WDR97: variants seen among roughly 807,000 people sequenced by gnomAD.
The protein encoded by WDR97 is WD repeat-containing protein 97.
A neutral mutation model predicts 65.4 loss-of-function variants in WDR97; 111 were observed. The observed-to-expected ratio is 1.70, with a 90% CI of 1.45 to 1.99. The LOEUF (loss-of-function observed/expected upper bound fraction) is 1.99. Among genes scored for constraint, WDR97 ranks in the 30% most tolerant of loss-of-function variants. The pLI, the probability that WDR97 is intolerant of heterozygous loss-of-function variation, is 0.00. For missense variants in WDR97, 1,674 were observed against 865.0 expected (o/e 1.94, Z -11.73); for synonymous variants, 802 against 397.7 (o/e 2.02, Z -12.10).
Position 144,111,940 on chromosome 8 carries a change from G to GGA in WDR97, c.2700_2701dup (p.Thr901ArgfsTer73), listed in dbSNP as rs1456239743. 2 of 702,388 alleles carry GGA rather than the reference G, an allele frequency of 2.8e-6. No homozygotes were observed. Among genetic ancestry groups the GGA allele is most frequent in the Admixed American group, 2.0e-5 (1 of 49,970 alleles). The allele number at this position is 702,388 out of a possible 1,614,324, so 43.5% of individuals were successfully genotyped here. On this transcript the variant is annotated frameshift_variant, in exon 13 of 24. Transcript: ENST00000323662. LOFTEE classifies it high-confidence loss of function. ...AGTGGAGTGCCGGGACCCTCAGAGT[G>GGA]GAGAGAGAGACCCGGGATGTGTGTG... is the stretch of plus-strand genomic sequence containing the variant.
rs1836453903 is a variant in WDR97 at position 144,108,086 on chromosome 8, T to A, written c.140T>A (p.Val47Asp). The change falls in exon 2 of 24, where the codon GTC becomes GAC. Residue 47 changes from valine to aspartate, a missense_variant. Coordinates refer to ENST00000323662, the MANE Select transcript of WDR97 (RefSeq NM_001316309.2). Reference sequence around the variant, plus strand: ...TTGACTTTCACGGAGCCGTCGCAGGTCCTGCCCTTTTTGACCAGCAGCCAA... The same window carrying A: ...TTGACTTTCACGGAGCCGTCGCAGGACCTGCCCTTTTTGACCAGCAGCCAA... The part of the protein sequence containing the change: ...NELTFTEPSQ[V>D]LPFLTSSQQW... 1.4e-6 allele frequency: 1 copy of A among 702,624 alleles called. No individual in the cohort carries two copies. The highest frequency in any genetic ancestry group is 2.6e-6 in the Non-Finnish European group (1 of 384,990). 43.5% of individuals were successfully genotyped at this position (702,624 alleles called of 1,614,324 possible). A position where few individuals can be genotyped will look rare whatever the true frequency, so the allele number is the denominator to read the frequency against.
intron 15 of WDR97, 57 bp downstream of exon 15, chr8:144,112,587 C>T: frequency 1.4e-6 from 1 of 699,454 alleles, no homozygotes; most frequent in East Asian, 2.7e-5. Context: ...CACTCTTGTG[C>T]CTGCCATCTC....
chr8:144,111,985 C>T lies in WDR97; in HGVS notation c.2736C>T (p.His912=). The T allele has an allele frequency of 1.4e-6, 1 of 702,648 alleles. No homozygotes were observed. Among genetic ancestry groups the T allele is most frequent in the South Asian group, 1.5e-5 (1 of 67,608 alleles). 43.5% of individuals were successfully genotyped at this position (702,648 alleles called of 1,614,324 possible). ...TGTGTGCTGTACCCCAAGCTGCCCA[C>T]TGTCTTGCCCGGGCTGAGGTCAGCA... ...RDVCAVPQAA[H]CLARAEVSTA... The change falls in exon 13 of 24, where the codon CAC becomes CAT. Residue 912 remains histidine (H), a synonymous_variant. Coordinates refer to ENST00000323662, the MANE Select transcript of WDR97 (RefSeq NM_001316309.2).
Position 144,116,562 on chromosome 8 carries a change from G to A in WDR97, c.*269G>A, listed in dbSNP as rs555860432. ...CTAGGGCAGAGGAGACCCATAGCGG[G>A]GTACCATCCGCTGGGCACTGAGCAA... On this transcript the variant is annotated 3_prime_UTR_variant, in exon 24 of 24. Coordinates refer to ENST00000323662, the MANE Select transcript of WDR97 (RefSeq NM_001316309.2). The A allele has an allele frequency of 7.4e-6, 3 of 407,704 alleles. No individual in the cohort carries two copies. The highest frequency in any genetic ancestry group is 1.3e-5 in the Non-Finnish European group (3 of 229,980). 25.3% of individuals were successfully genotyped at this position (407,704 alleles called of 1,614,324 possible).
rs374365725 is a variant in WDR97, at chr8:144,108,297, C to CGCCCACCCCGGCCCACCCCG, written c.250-3_250-2insCCCGGCCCACCCCGGCCCAC. On this transcript the variant is annotated intron_variant, in intron 2 of 23. Transcript: ENST00000323662. The stretch of plus-strand genomic sequence containing the variant: ...TAGCCCCAACCTTTGATTGCGGGCC[C>CGCCCACCCCGGCCCACCCCG]GCCCACCCCGGCCCACAGGAGAAGA... The CGCCCACCCCGGCCCACCCCG allele has an allele frequency of 1.0e-5, 7 of 691,808 alleles. No homozygotes were observed. Among genetic ancestry groups the CGCCCACCCCGGCCCACCCCG allele is most frequent in the South Asian group, 9.0e-5 (6 of 66,348 alleles). 42.9% of individuals were successfully genotyped at this position (691,808 alleles called of 1,614,324 possible). A position where few individuals can be genotyped will look rare whatever the true frequency, so the allele number is the denominator to read the frequency against.
At chr8:144,115,220 G>A in intron 21 of WDR97, 121 bp from the exon 22 acceptor site, 1 of 567,640 alleles carries the variant, frequency 1.8e-6, no homozygotes, top group Non-Finnish European at 3.1e-6. Context: ...CGAGGAGCCA[G>A]GGTGCTTGGC....
In WDR97 at chr8:144,109,368, C is replaced by T; in HGVS notation, c.1034C>T (p.Thr345Met). Reference protein sequence around the residue: ...PVTAMTVLPNTTLVLSASQDG... With the variant: ...PVTAMTVLPNMTLVLSASQDG... ...ACGGCTATGACTGTGCTCCCGAACA[C>T]GACCCTGGTGTTGTCGGCCTCGCAG... Residue 345 changes from threonine to methionine, a missense_variant, in exon 5 of 24, where the codon ACG becomes ATG. Physicochemically the swap from Thr to Met is moderately conservative, Grantham distance 81 (BLOSUM62 -1). Coordinates refer to ENST00000323662, the MANE Select transcript of WDR97 (RefSeq NM_001316309.2). The T allele has an allele frequency of 1.4e-6, 1 of 702,648 alleles. No homozygotes were observed. Among genetic ancestry groups the T allele is most frequent in the Non-Finnish European group, 2.6e-6 (1 of 384,860 alleles). The allele number at this position is 702,648 out of a possible 1,614,324, so 43.5% of individuals were successfully genotyped here. A position where few individuals can be genotyped will look rare whatever the true frequency, so the allele number is the denominator to read the frequency against.
In WDR97 at chr8:144,108,174, C is replaced by T. The variant is rs373167878; in HGVS notation, c.228C>T (p.Ser76=). 196 of 702,066 alleles carry T rather than the reference C, an allele frequency of 2.8e-4. 2 individuals carry two copies. The East Asian group carries it at 4.9e-3, about 17-fold the overall frequency. The allele number at this position is 702,066 out of a possible 1,614,324, so 43.5% of individuals were successfully genotyped here. A position where few individuals can be genotyped will look rare whatever the true frequency, so the allele number is the denominator to read the frequency against. Reference sequence around the variant, plus strand: ...GGCTGTGGCTGCTTCTGCGCACCAGCCTCCACGAAGTCGTGGAAAAGGTGC... The same window carrying T: ...GGCTGTGGCTGCTTCTGCGCACCAGTCTCCACGAAGTCGTGGAAAAGGTGC... ...ARRLWLLLRT[S]LHEVVEKEKR... Residue 76 remains serine, a synonymous_variant, in exon 2 of 24, where the codon AGC becomes AGT. Coordinates refer to ENST00000323662, the MANE Select transcript of WDR97 (RefSeq NM_001316309.2).
chr8:144,115,439 G>A lies in WDR97; in HGVS notation c.4176G>A (p.Arg1392=). Reference sequence around the variant, plus strand: ...GGTCGGCCTCCGGCATCTTCGGGAGGCTCTCGCAGGTCTCAGAGGTGCCTT... The same window carrying A: ...GGTCGGCCTCCGGCATCTTCGGGAGACTCTCGCAGGTCTCAGAGGTGCCTT... The part of the protein sequence containing the change: ...TSWSASGIFG[R]LSQVSEVPLM... Residue 1392 remains arginine, a synonymous_variant, in exon 22 of 24, where the codon AGG becomes AGA. Coordinates refer to ENST00000323662, the MANE Select transcript of WDR97 (RefSeq NM_001316309.2). 8.7e-6 allele frequency: 6 copies of A among 687,040 alleles called. No homozygotes were observed. The highest frequency in any genetic ancestry group is 1.6e-5 in the Non-Finnish European group (6 of 374,474). The allele number at this position is 687,040 out of a possible 1,614,324, so 42.6% of individuals were successfully genotyped here.
At chr8:144,114,943 G>T in intron 21 of WDR97, 32 bp downstream of exon 21, 1 of 660,834 alleles carries the variant, frequency 1.5e-6, no homozygotes. Context: ...GGGGCCTTGG[G>T]AACCCTGTTG....
intron 1 of WDR97, 57 bp from the exon 2 acceptor site, chr8:144,108,002 C>T (rs565063054): frequency 1.9e-5 from 13 of 702,400 alleles, no homozygotes; most frequent in Non-Finnish European, 3.1e-5. Context: ...TCCCCATAAC[C>T]GTCAGGGTCG....
rs1225171449 is a variant in WDR97 at position 144,111,775 on chromosome 8, C to T, written c.2631C>T (p.Gly877=). 3 of 686,386 alleles carry T rather than the reference C, an allele frequency of 4.4e-6. No individual in the cohort carries two copies. Among genetic ancestry groups the T allele is most frequent in the Non-Finnish European group, 5.3e-6 (2 of 374,518 alleles). 42.5% of individuals were successfully genotyped at this position (686,386 alleles called of 1,614,324 possible). A position where few individuals can be genotyped will look rare whatever the true frequency, so the allele number is the denominator to read the frequency against. Residue 877 remains glycine (G), a synonymous_variant, in exon 12 of 24, where the codon GGC becomes GGT. Transcript: ENST00000323662. ...ACCTCCGTCTGATCTACGGCTCTGGCCTGCTGGTAGGTGTAGGGCCTCCCC... is the reference window on the plus strand; with the variant it reads ...ACCTCCGTCTGATCTACGGCTCTGGTCTGCTGGTAGGTGTAGGGCCTCCCC... The part of the protein sequence containing the change: ...DNYLRLIYGS[G]LLGMQSGRGS...
At position 144,116,293 on chromosome 8, in the gene WDR97, A is replaced by T. The variant is rs1263243968; in HGVS notation, c.4869A>T (p.Ter1623CysextTer25). The part of the protein sequence containing the change: ...PADADPDTYS[*>C] The stretch of plus-strand genomic sequence containing the variant: ...ACGCGGACCCTGACACCTACAGCTG[A>T]CCGGACTGGTGGCCTCAGCCCGCCT... The change falls in exon 24 of 24, where the codon TGA becomes TGT. Residue 1623 changes from the stop codon to cysteine, a stop_lost. Transcript: ENST00000323662. The T allele has an allele frequency of 1.6e-6, 1 of 620,262 alleles. No homozygotes were observed. Among genetic ancestry groups the T allele is most frequent in the Non-Finnish European group, 2.9e-6 (1 of 342,598 alleles). 38.4% of individuals were successfully genotyped at this position (620,262 alleles called of 1,614,324 possible).
Position 144,110,227 on chromosome 8 carries a change from C to T in WDR97, c.1814C>T (p.Ala605Val). Residue 605 changes from alanine to valine, a missense_variant, in exon 6 of 24, where the codon GCA (alanine) becomes GTA (valine). By Grantham distance (64) the Ala-to-Val change is moderately conservative. Coordinates refer to ENST00000323662, the MANE Select transcript of WDR97 (RefSeq NM_001316309.2). ...AHSPGPVVAI[A>V]STWNSIVSSG... is the part of the protein sequence containing the mutation. ...AGCCCGGGCCCGGTTGTCGCCATCG[C>T]ATCCACCTGGAACAGCATTGTGTCT... 4 of 702,974 alleles carry T rather than the reference C, an allele frequency of 5.7e-6. No homozygotes were observed. The highest frequency in any genetic ancestry group is 1.0e-5 in the Non-Finnish European group (4 of 384,972). The allele number at this position is 702,974 out of a possible 1,614,324, so 43.5% of individuals were successfully genotyped here. A position where few individuals can be genotyped will look rare whatever the true frequency, so the allele number is the denominator to read the frequency against.
At chr8:144,114,211 CAG>C (rs761006112) in intron 18 of WDR97, 49 bp downstream of exon 18, 23 of 695,930 alleles carry the variant, frequency 3.3e-5, no homozygotes, top group African/African-American at 1.4e-4. Flanking sequence ...GGGTGAGGGA[CAG>C]GGGAGAAGGT....
chr8:144,108,626 G>A lies in WDR97; in HGVS notation c.560G>A (p.Ser187Asn). 1.4e-6 allele frequency: 1 copy of A among 700,576 alleles called. No individual in the cohort carries two copies. The highest frequency in any genetic ancestry group is 2.6e-6 in the Non-Finnish European group (1 of 384,400). 43.4% of individuals were successfully genotyped at this position (700,576 alleles called of 1,614,324 possible). Residue 187 changes from serine (S) to asparagine (N), a missense_variant, in exon 3 of 24, where the codon AGC becomes AAC. Ser to Asn is a conservative substitution (Grantham distance 46). Transcript: ENST00000323662. ...CCCAACCTCAGCCTGCTGTGGCTGA[G>A]CGAGCAGGGGGTGGGCAGGGCCCCG... ...LRPNLSLLWL[S>N]EQGVGRAPGW... is the part of the protein sequence containing the mutation.
rs1836497358 is a variant in WDR97 at position 144,109,579 on chromosome 8, C to T, written c.1245C>T (p.Tyr415=). 2 of 692,724 alleles carry T rather than the reference C, an allele frequency of 2.9e-6. No individual in the cohort carries two copies. Among genetic ancestry groups the T allele is most frequent in the African/African-American group, 3.6e-5 (2 of 55,948 alleles). The allele number at this position is 692,724 out of a possible 1,614,324, so 42.9% of individuals were successfully genotyped here. ...SMQLWRVREL[Y]SPLAQLPAKV... ...AGCTGTGGCGCGTACGCGAGCTCTACTCGCCGTTGGCGCAACTGCCCGCCA... is the reference window on the plus strand; with the variant it reads ...AGCTGTGGCGCGTACGCGAGCTCTATTCGCCGTTGGCGCAACTGCCCGCCA... The change falls in exon 5 of 24, where the codon TAC becomes TAT. Residue 415 remains tyrosine (Y), a synonymous_variant. Transcript: ENST00000323662.
chr8:144,109,323 C>G lies in WDR97; in HGVS notation c.1001-12C>G. ...CCTTCAGTCGGCCGAGTGACCTGCA[C>G]CCCTCCCACAGGCCCGGTGACGGCT... On this transcript the variant is annotated splice_polypyrimidine_tract_variant and intron_variant, in intron 4 of 23. Transcript: ENST00000323662. 2 of 701,706 alleles carry G rather than the reference C, an allele frequency of 2.9e-6. No individual in the cohort carries two copies. Among genetic ancestry groups the G allele is most frequent in the South Asian group, 3.0e-5 (2 of 67,372 alleles). 43.5% of individuals were successfully genotyped at this position (701,706 alleles called of 1,614,324 possible).
chr8:144,108,185 T>G lies in WDR97; in HGVS notation c.239T>G (p.Val80Gly), dbSNP rs1836456593. Residue 80 changes from valine (V) to glycine (G), a missense_variant, in exon 2 of 24, where the codon GTC becomes GGC. Coordinates refer to ENST00000323662, the MANE Select transcript of WDR97 (RefSeq NM_001316309.2). Reference protein sequence around the residue: ...WLLLRTSLHEVVEKEKRAELR... With the variant: ...WLLLRTSLHEGVEKEKRAELR... ...CTTCTGCGCACCAGCCTCCACGAAG[T>G]CGTGGAAAAGGTGCGGTGTGCCTGT... 1.3e-5 allele frequency: 9 copies of G among 701,536 alleles called. No individual in the cohort carries two copies. In the East Asian group the frequency reaches 2.4e-4, roughly 19 times the overall value. 43.5% of individuals were successfully genotyped at this position (701,536 alleles called of 1,614,324 possible). A position where few individuals can be genotyped will look rare whatever the true frequency, so the allele number is the denominator to read the frequency against.
Sources: gnomAD v4.1 joint callset for allele counts on GRCh38, gnomAD v4.1.1 for gene constraint, MANE v1.5 for transcripts, NCBI Gene and HGNC (gene_info 2026-07-23, HGNC 2026-07-21) for gene names.